Variants in SGMS1 observed in about 807,000 individuals in gnomAD.
SGMS1 encodes sphingomyelin synthase 1, also known as phosphatidylcholine:ceramide cholinephosphotransferase 1.
Under a neutral mutation model 46.2 loss-of-function variants are expected in SGMS1, and 13 were observed. That is an observed-to-expected ratio of 0.28 (90% CI 0.18 to 0.45). The LOEUF (loss-of-function observed/expected upper bound fraction) is 0.45, where lower values mean the gene tolerates loss of function less well. Among genes scored for constraint, SGMS1 ranks in the 20% least tolerant of loss-of-function variants. SGMS1 has a pLI of 1.00. For missense variants in SGMS1, 324 were observed against 519.9 expected, an observed-to-expected ratio of 0.62 and a Z score of 3.66; for synonymous variants, 203 against 187.8, an observed-to-expected ratio of 1.08 and a Z score of -0.66.
chr10:50,325,051 T>G (rs1013920393), intron 8 of SGMS1, among the ~76,000 whole-genome samples: 1 of 152,236 alleles, frequency 6.6e-6, no homozygotes, highest in Non-Finnish European at 1.5e-5. Flanking sequence ...TTAATTTTGT[T>G]GAACACCAAT....
intron 2 of SGMS1, among the ~76,000 whole-genome samples, chr10:50,569,152 G>T (rs1022584847): frequency 6.6e-6 from 1 of 151,910 alleles, no homozygotes; most frequent in Non-Finnish European, 1.5e-5. Context: ...GGGCCTGTCG[G>T]GGGGTGGGAG....
intron 7 of SGMS1, chr10:50,341,151 T>C (rs1182426871): frequency 3.0e-6 from 1 of 331,738 alleles, no homozygotes; most frequent in African/African-American, 2.1e-5. Flanking sequence ...TAAACAAAAC[T>C]GCTATAATGC....
chr10:50,388,323 G>A (rs940446547), intron 6 of SGMS1, among the ~76,000 whole-genome samples: 2 of 151,934 alleles, frequency 1.3e-5, no homozygotes, highest in Non-Finnish European at 2.9e-5. Context: ...TTTAAACAAA[G>A]CAAATGTACT....
chr10:50,621,153 G>A (rs896405679), intron 1 of SGMS1, among the ~76,000 whole-genome samples: 1 of 151,872 alleles, frequency 6.6e-6, no homozygotes, highest in African/African-American at 2.4e-5. Context: ...CTCCATCCTG[G>A]GTGACAGAAT....
At chr10:50,422,441 A>G (rs1276798016) in intron 6 of SGMS1, among the ~76,000 whole-genome samples, 1 of 152,180 alleles carries the variant, frequency 6.6e-6, no homozygotes, top group African/African-American at 2.4e-5. Flanking sequence ...GCATGTTCCA[A>G]CAATACAGAA....
intron 2 of SGMS1, among the ~76,000 whole-genome samples, chr10:50,570,366 G>C (rs559319825): frequency 6.6e-6 from 1 of 152,310 alleles, no homozygotes; most frequent in Admixed American, 6.5e-5. Context: ...CAATGTTAAT[G>C]ATTCAGAGGA....
intron 7 of SGMS1, among the ~76,000 whole-genome samples, chr10:50,339,059 C>T (rs1162108962): frequency 6.6e-6 from 1 of 152,214 alleles, no homozygotes; most frequent in Non-Finnish European, 1.5e-5. Flanking sequence ...CTCAACCAGG[C>T]CCCCTGCTTC....
chr10:50,326,181 A>T (rs1011538788), intron 8 of SGMS1, among the ~76,000 whole-genome samples: 28 of 152,214 alleles, frequency 1.8e-4, no homozygotes, highest in African/African-American at 6.5e-4. Flanking sequence ...TTAAAAAATT[A>T]AAAAAAGCAA....
At chr10:50,573,697 C>T (rs1838355443) in intron 2 of SGMS1, among the ~76,000 whole-genome samples, 2 of 151,858 alleles carry the variant, frequency 1.3e-5, no homozygotes, top group African/African-American at 4.8e-5. Context: ...ACAAAAGGCC[C>T]CAAATAGTCA....
intron 5 of SGMS1, among the ~76,000 whole-genome samples, chr10:50,454,907 T>C (rs74132721): frequency 0.034 from 5,218 of 152,248 alleles, 294 homozygotes; most frequent in African/African-American, 0.12. Context: ...TTAGACTTGA[T>C]CTAAAATAGT....
At chr10:50,511,248 T>TACACAC (rs3054272) in intron 3 of SGMS1, among the ~76,000 whole-genome samples, 6,138 of 141,666 alleles carry the variant, frequency 0.043, 211 homozygotes, top group African/African-American at 0.1. Context: ...CACTCATTCA[T>TACACAC]ACACACACAC....
intron 1 of SGMS1, among the ~76,000 whole-genome samples, chr10:50,619,041 G>C (rs529185035): frequency 2.6e-5 from 4 of 152,278 alleles, no homozygotes; most frequent in African/African-American, 9.6e-5. Flanking sequence ...GCTGAGGTAG[G>C]AGAGTCTCTT....
At chr10:50,413,454 A>G (rs1849128322) in intron 6 of SGMS1, among the ~76,000 whole-genome samples, 1 of 152,242 alleles carries the variant, frequency 6.6e-6, no homozygotes, top group South Asian at 2.1e-4. Context: ...TCGTTAAAGC[A>G]AAGATTGGCA....
At chr10:50,511,299 C>T (rs1455704910) in intron 3 of SGMS1, among the ~76,000 whole-genome samples, 2 of 127,514 alleles carry the variant, frequency 1.6e-5, no homozygotes, top group Admixed American at 1.6e-4. Flanking sequence ...AGACACTATC[C>T]ATGAATGAAA....
At chr10:50,408,500 G>A (rs1300257460) in intron 6 of SGMS1, among the ~76,000 whole-genome samples, 12 of 150,324 alleles carry the variant, frequency 8.0e-5, no homozygotes, top group African/African-American at 2.7e-4. Flanking sequence ...TGGCTAACAC[G>A]GTGAAACCCC....
At chr10:50,407,432 C>T (rs989633694) in intron 6 of SGMS1, among the ~76,000 whole-genome samples, 2 of 152,132 alleles carry the variant, frequency 1.3e-5, no homozygotes, top group African/African-American at 4.8e-5. Context: ...CTGCCTAACC[C>T]GAGAAAGGGA....
chr10:50,374,576 C>T (rs1177156935), intron 6 of SGMS1, among the ~76,000 whole-genome samples: 1 of 152,076 alleles, frequency 6.6e-6, no homozygotes, highest in Non-Finnish European at 1.5e-5. Context: ...TGCTCAAAAC[C>T]CTTTGTGCTG....
At chr10:50,341,905 T>A (rs1847827085) in intron 7 of SGMS1, among the ~76,000 whole-genome samples, 1 of 152,234 alleles carries the variant, frequency 6.6e-6, no homozygotes, top group Non-Finnish European at 1.5e-5. Flanking sequence ...GGATACTTTA[T>A]AAGAATAAAA....
intron 1 of SGMS1, among the ~76,000 whole-genome samples, chr10:50,621,750 T>C (rs1025503623): frequency 1.3e-5 from 2 of 152,230 alleles, no homozygotes; most frequent in Non-Finnish European, 2.9e-5. Context: ...TCTTATTATT[T>C]TACTAAAAAC....
Sources: allele counts gnomAD v4.1 joint callset (sites outside exome capture counted in the v4.1 genomes callset), GRCh38; gene constraint gnomAD v4.1.1; transcripts MANE v1.5; gene names NCBI Gene and HGNC (gene_info 2026-07-23, HGNC 2026-07-21).